Variants in B3GNT2 observed in about 807,000 individuals in gnomAD.
B3GNT2 encodes the protein UDP-GlcNAc:betaGal beta-1,3-N-acetylglucosaminyltransferase 2, also known as N-acetyllactosaminide beta-1,3-N-acetylglucosaminyltransferase 2.
In B3GNT2, 12 loss-of-function variants were observed where a neutral mutation model predicts 27.6. The observed-to-expected ratio is 0.44, with a 90% CI of 0.28 to 0.71. B3GNT2 has a LOEUF of 0.71. B3GNT2 is among the 30% of genes least tolerant of loss of function. The pLI is 0.17. For missense variants in B3GNT2, 413 were observed against 488.5 expected, an observed-to-expected ratio of 0.85 and a Z score of 1.46; for synonymous variants, 192 against 189.7, an observed-to-expected ratio of 1.01 and a Z score of -0.10.
In B3GNT2 at chr2:62,222,167, C is replaced by A; in HGVS notation, c.-9-45C>A. On this transcript the variant is annotated intron_variant, in intron 1 of 1. Coordinates refer to ENST00000301998, the MANE Select transcript of B3GNT2 (RefSeq NM_006577.6). This position sits in a 1 kb window ranked among gnomAD's most constrained non-coding sequence, Gnocchi z 4.2. ...GTAAAATAAATTGTATGTGCAAATGCAAATTGATAAGTAATTGATACAATA... is the reference window on the plus strand; with the variant it reads ...GTAAAATAAATTGTATGTGCAAATGAAAATTGATAAGTAATTGATACAATA... 6.7e-7 allele frequency: 1 copy of A among 1,488,206 alleles called. No individual in the cohort carries two copies. Among genetic ancestry groups the A allele is most frequent in the Non-Finnish European group, 9.0e-7 (1 of 1,105,354 alleles). 92.2% of individuals were successfully genotyped at this position (1,488,206 alleles called of 1,614,324 possible).
rs749304745 is a variant in B3GNT2 at position 62,222,176 on chromosome 2, A to G, written c.-9-36A>G. The stretch of plus-strand genomic sequence containing the variant: ...ATTGTATGTGCAAATGCAAATTGAT[A>G]AGTAATTGATACAATACTCCACCCC... On this transcript the variant is annotated intron_variant, in intron 1 of 1. Coordinates refer to ENST00000301998, the MANE Select transcript of B3GNT2 (RefSeq NM_006577.6). This position sits in a 1 kb window ranked among gnomAD's most constrained non-coding sequence, Gnocchi z 4.2. 1.9e-5 allele frequency: 28 copies of G among 1,504,048 alleles called. No individual in the cohort carries two copies. In the African/African-American group the frequency reaches 3.9e-4, roughly 21 times the overall value. 93.2% of individuals were successfully genotyped at this position (1,504,048 alleles called of 1,614,324 possible).
At chr2:62,209,755 G>T (rs1246609845) in intron 1 of B3GNT2, among the ~76,000 whole-genome samples, 1 of 152,182 alleles carries the variant, frequency 6.6e-6, no homozygotes, top group Non-Finnish European at 1.5e-5. Context: ...TCCCAACCCT[G>T]TGGCAGGTTG....
In B3GNT2 at chr2:62,223,696, T is replaced by C. The variant is rs1008616408; in HGVS notation, c.*282T>C. ...GTACCCTCTTATCTGAAATCCTGTT[T>C]CTGGAATTTGGCCATTTTAAGTGAT... On this transcript the variant is annotated 3_prime_UTR_variant, in exon 2 of 2. Transcript: ENST00000301998. 1 of 290,598 alleles carries C rather than the reference T, an allele frequency of 3.4e-6. No individual in the cohort carries two copies. Among genetic ancestry groups the C allele is most frequent in the Non-Finnish European group, 6.8e-6 (1 of 146,314 alleles). The allele number at this position is 290,598 out of a possible 1,614,324, so 18.0% of individuals were successfully genotyped here.
intron 1 of B3GNT2, among the ~76,000 whole-genome samples, chr2:62,219,846 G>A (rs1417454003): frequency 1.3e-5 from 2 of 152,228 alleles, no homozygotes; most frequent in African/African-American, 4.8e-5. Flanking sequence ...ACCAGGGAGT[G>A]GGTGCTGCTG....
In B3GNT2 at chr2:62,222,257, A is replaced by G; in HGVS notation, c.37A>G (p.Ile13Val). The G allele has an allele frequency of 1.2e-6, 2 of 1,611,938 alleles. No individual in the cohort carries two copies. Among genetic ancestry groups the G allele is most frequent in the Non-Finnish European group, 1.7e-6 (2 of 1,179,332 alleles). ...VGRRRIKLLG[I>V]LMMANVFIYF... ...ACGTCGAAGAATAAAGTTGTTGGGTATCCTGATGATGGCAAATGTCTTCAT... is the reference window on the plus strand; with the variant it reads ...ACGTCGAAGAATAAAGTTGTTGGGTGTCCTGATGATGGCAAATGTCTTCAT... Residue 13 changes from isoleucine to valine, a missense_variant, in exon 2 of 2, where the codon ATC (isoleucine) becomes GTC (valine). Physicochemically the swap from Ile to Val is conservative, Grantham distance 29. Coordinates refer to ENST00000301998, the MANE Select transcript of B3GNT2 (RefSeq NM_006577.6). The surrounding 1 kb of genome is among the most constrained non-coding windows in gnomAD (Gnocchi z 4.2).
chr2:62,211,358 C>T (rs1002169223), intron 1 of B3GNT2, among the ~76,000 whole-genome samples: 1 of 151,936 alleles, frequency 6.6e-6, no homozygotes, highest in African/African-American at 2.4e-5. Context: ...CCTGTCCCCC[C>T]CGTCCCCCCC....
intron 1 of B3GNT2, among the ~76,000 whole-genome samples, chr2:62,197,388 G>A (rs1674174477): frequency 6.6e-6 from 1 of 152,212 alleles, no homozygotes; most frequent in Admixed American, 6.5e-5. Flanking sequence ...GTGTCACAGC[G>A]TCAAAGCTCA....
In B3GNT2 at chr2:62,196,129, C is replaced by CGCAGCGGCAGCGGCAGCG. The variant is rs534335819; in HGVS notation, c.-219_-218insGGCAGCGGCAGCGGCAGC. 25 of 151,806 alleles carry CGCAGCGGCAGCGGCAGCG rather than the reference C, an allele frequency of 1.6e-4. No homozygotes were observed. The highest frequency in any genetic ancestry group is 5.8e-4 in the African/African-American group (24 of 41,370). The allele number at this position is 151,806 out of a possible 1,614,324, so 9.4% of individuals were successfully genotyped here. On this transcript the variant is annotated 5_prime_UTR_variant, in exon 1 of 2. Coordinates refer to ENST00000301998, the MANE Select transcript of B3GNT2 (RefSeq NM_006577.6). ...CCTGGAACCGGAGCCTGGAGTGAGG[C>CGCAGCGGCAGCGGCAGCG]GCAGCGGCAGCGGCAGCAGCGGCAA...
rs137913626 is a variant in B3GNT2, at chr2:62,217,352, A to T, written c.-9-4860A>T. ...TTTACCAGCTGTGTGACATTGGACA[A>T]GTTCAGTCACTTGTCCACCCACCCC... On this transcript the variant is annotated intron_variant, in intron 1 of 1. Coordinates refer to ENST00000301998, the MANE Select transcript of B3GNT2 (RefSeq NM_006577.6). Among the ~76,000 whole-genome samples the T allele has an allele frequency of 3.8e-3, 578 of 152,286 alleles. 8 individuals carry two copies. The highest frequency in any genetic ancestry group is 0.013 in the African/African-American group (546 of 41,550).
rs755371226 is a variant in B3GNT2, at chr2:62,222,650, T to G, written c.430T>G (p.Leu144Val). ...QPDKCAKKPFLLLAIKSLTPH... is the reference protein window; with the variant it reads ...QPDKCAKKPFVLLAIKSLTPH... The stretch of plus-strand genomic sequence containing the variant: ...GGATAAGTGTGCAAAGAAACCTTTC[T>G]TGTTGCTGGCGATTAAGTCCCTCAC... The change falls in exon 2 of 2, where the codon TTG becomes GTG. Residue 144 changes from leucine (L) to valine (V), a missense_variant. Transcript: ENST00000301998. The surrounding 1 kb of genome is among the most constrained non-coding windows in gnomAD (Gnocchi z 4.2). 6.2e-7 allele frequency: 1 copy of G among 1,614,256 alleles called. No individual in the cohort carries two copies. Among genetic ancestry groups the G allele is most frequent in the Non-Finnish European group, 8.5e-7 (1 of 1,180,054 alleles).
chr2:62,223,591 A>G lies in B3GNT2; in HGVS notation c.*177A>G, dbSNP rs958611053. The G allele has an allele frequency of 2.1e-5, 12 of 581,670 alleles. No homozygotes were observed. The highest frequency in any genetic ancestry group is 1.7e-4 in the African/African-American group (9 of 52,770). 36.0% of individuals were successfully genotyped at this position (581,670 alleles called of 1,614,324 possible). A position where few individuals can be genotyped will look rare whatever the true frequency, so the allele number is the denominator to read the frequency against. On this transcript the variant is annotated 3_prime_UTR_variant, in exon 2 of 2. Transcript: ENST00000301998. ...CTCACGTGAAGAGGGAAAGCGGAAG[A>G]TGGTAATTTTTTTTTATGGATGATA...
At position 62,222,296 on chromosome 2, in the gene B3GNT2, G is replaced by T; in HGVS notation, c.76G>T (p.Glu26Ter). 2 of 1,613,872 alleles carry T rather than the reference G, an allele frequency of 1.2e-6. No homozygotes were observed. Among genetic ancestry groups the T allele is most frequent in the Non-Finnish European group, 1.7e-6 (2 of 1,179,992 alleles). ...AAATGTCTTCATTTATTTTATTATGGAAGTCTCCAAAAGCAGTAGCCAAGA... is the reference window on the plus strand; with the variant it reads ...AAATGTCTTCATTTATTTTATTATGTAAGTCTCCAAAAGCAGTAGCCAAGA... ...MANVFIYFIM[E>*]VSKSSSQEKN... is the part of the protein sequence containing the mutation. Residue 26 changes from glutamate (E) to a stop codon, truncating the protein, a stop_gained, in exon 2 of 2, where the codon GAA becomes TAA. Coordinates refer to ENST00000301998, the MANE Select transcript of B3GNT2 (RefSeq NM_006577.6). LOFTEE classifies it high-confidence loss of function. The surrounding 1 kb of genome is among the most constrained non-coding windows in gnomAD (Gnocchi z 4.2).
At position 62,215,335 on chromosome 2, in the gene B3GNT2, G is replaced by A. The variant is rs546516465; in HGVS notation, c.-9-6877G>A. Among the ~76,000 whole-genome samples the A allele has an allele frequency of 5.9e-5, 9 of 152,292 alleles. No homozygotes were observed. The East Asian group carries it at 1.7e-3, about 29-fold the overall frequency. ...ATCTTAGCTGAGTGCCAGCCTCTTGGTGAGGGAGTCCAGGGAGTCCTGAGG... is the reference window on the plus strand; with the variant it reads ...ATCTTAGCTGAGTGCCAGCCTCTTGATGAGGGAGTCCAGGGAGTCCTGAGG... On this transcript the variant is annotated intron_variant, in intron 1 of 1. Transcript: ENST00000301998.
intron 1 of B3GNT2, among the ~76,000 whole-genome samples, chr2:62,205,449 A>G (rs1264249624): frequency 1.3e-5 from 2 of 152,244 alleles, no homozygotes; most frequent in Admixed American, 6.5e-5. Context: ...TAAAATGTAT[A>G]TGGTTTATTT....
intron 1 of B3GNT2, among the ~76,000 whole-genome samples, chr2:62,196,595 C>T (rs1320964392): frequency 2.0e-5 from 3 of 152,256 alleles, no homozygotes; most frequent in Non-Finnish European, 4.4e-5. Flanking sequence ...GTCCCAGCCA[C>T]CCAACCTCAG....
In B3GNT2 at chr2:62,223,531, C is replaced by A. The variant is rs1674765069; in HGVS notation, c.*117C>A. The A allele has an allele frequency of 4.4e-6, 4 of 904,814 alleles. No individual in the cohort carries two copies. The highest frequency in any genetic ancestry group is 2.9e-5 in the Admixed American group (1 of 35,044). The allele number at this position is 904,814 out of a possible 1,614,324, so 56.0% of individuals were successfully genotyped here. On this transcript the variant is annotated 3_prime_UTR_variant, in exon 2 of 2. Coordinates refer to ENST00000301998, the MANE Select transcript of B3GNT2 (RefSeq NM_006577.6). ...ATGAAAATTGCCTTTATGAGTGATA[C>A]CCATTTGAGGGCCTCTAAACCCTTC...
chr2:62,209,636 A>AC (rs2104196849), intron 1 of B3GNT2, among the ~76,000 whole-genome samples: 1 of 152,062 alleles, frequency 6.6e-6, no homozygotes, highest in East Asian at 1.9e-4. Context: ...CCACGCCGTC[A>AC]CCCCCCACAC....
intron 1 of B3GNT2, among the ~76,000 whole-genome samples, chr2:62,220,824 T>C (rs1674677596): frequency 6.6e-6 from 1 of 152,254 alleles, no homozygotes; most frequent in Non-Finnish European, 1.5e-5. Flanking sequence ...TTGGTTTAAA[T>C]GTTCATTCTT....
chr2:62,223,529 T>G lies in B3GNT2; in HGVS notation c.*115T>G. 2.1e-6 allele frequency: 2 copies of G among 937,702 alleles called. No homozygotes were observed. Among genetic ancestry groups the G allele is most frequent in the Non-Finnish European group, 3.2e-6 (2 of 630,042 alleles). The allele number at this position is 937,702 out of a possible 1,614,324, so 58.1% of individuals were successfully genotyped here. A position where few individuals can be genotyped will look rare whatever the true frequency, so the allele number is the denominator to read the frequency against. On this transcript the variant is annotated 3_prime_UTR_variant, in exon 2 of 2. Coordinates refer to ENST00000301998, the MANE Select transcript of B3GNT2 (RefSeq NM_006577.6). ...CCATGAAAATTGCCTTTATGAGTGA[T>G]ACCCATTTGAGGGCCTCTAAACCCT...
Sources: allele counts gnomAD v4.1 joint callset (sites outside exome capture counted in the v4.1 genomes callset), GRCh38; gene constraint gnomAD v4.1.1; non-coding constraint Gnocchi (gnomAD v3.1); transcripts MANE v1.5; gene names NCBI Gene and HGNC (gene_info 2026-07-23, HGNC 2026-07-21).